ASPA: variants seen among roughly 807,000 people sequenced by gnomAD.
ASPA encodes the protein aspartoacylase, also known as ACY-2.
In ASPA, 25 loss-of-function variants were observed where a neutral mutation model predicts 29.6. The observed-to-expected ratio is 0.85, with a 90% CI of 0.62 to 1.18. ASPA has a LOEUF of 1.18. Among genes scored for constraint, ASPA ranks in the 50% most tolerant of loss-of-function variants. ASPA has a pLI of 0.00. For missense variants in ASPA, 333 were observed against 385.7 expected, an observed-to-expected ratio of 0.86 and a Z score of 1.14; for synonymous variants, 131 against 130.3, an observed-to-expected ratio of 1.01 and a Z score of -0.04.
At chr17:3,481,919 C>T in intron 2 of ASPA, 121 bp downstream of exon 2, 1 of 944,498 alleles carries the variant, frequency 1.1e-6, no homozygotes, top group African/African-American at 1.6e-5. Context: ...GGGTTTATTC[C>T]ATAGCCAGGC....
chr17:3,491,234 A>T (rs1047731405), intron 4 of ASPA, among the ~76,000 whole-genome samples: 1 of 152,186 alleles, frequency 6.6e-6, no homozygotes, highest in Non-Finnish European at 1.5e-5. Flanking sequence ...GTTTAAACCA[A>T]ATGTTTAAGG....
At chr17:3,482,811 T>A (rs1453838087) in intron 2 of ASPA, among the ~76,000 whole-genome samples, 2 of 135,596 alleles carry the variant, frequency 1.5e-5, no homozygotes, top group Admixed American at 7.1e-5. Context: ...CTATTATACT[T>A]TAAGTTTTAG....
At chr17:3,484,183 A>T (rs9904040) in intron 3 of ASPA, among the ~76,000 whole-genome samples, 3 of 151,836 alleles carry the variant, frequency 2.0e-5, no homozygotes, top group Admixed American at 1.3e-4. Context: ...TTCACCTGTC[A>T]CCTCCTATAG....
At chr17:3,484,033 T>G (rs2073679117) in intron 3 of ASPA, among the ~76,000 whole-genome samples, 1 of 152,186 alleles carries the variant, frequency 6.6e-6, no homozygotes, top group Non-Finnish European at 1.5e-5. Context: ...AACAAGCAAT[T>G]TAGCTCCAGG....
In ASPA at chr17:3,490,116, A is replaced by G. The variant is rs2073799022; in HGVS notation, c.634+774A>G. 6.6e-6 allele frequency among the ~76,000 whole-genome samples: 1 copy of G among 152,196 alleles called. No homozygotes were observed. Among genetic ancestry groups the G allele is most frequent in the Non-Finnish European group, 1.5e-5 (1 of 68,042 alleles). ...CTAGGATACATATATATGTTAACAC[A>G]TCACAGGGAAAGTCCTAGAAGAAAA... is the stretch of plus-strand genomic sequence containing the variant. On this transcript the variant is annotated intron_variant, in intron 4 of 5. Transcript: ENST00000263080. The surrounding 1 kb of genome is among the most constrained non-coding windows in gnomAD (Gnocchi z 4.6).
chr17:3,475,014 T>C (rs753809647), upstream of ASPA, among the ~76,000 whole-genome samples: 3 of 152,202 alleles, frequency 2.0e-5, no homozygotes, highest in Non-Finnish European at 4.4e-5. Context: ...AAAATTAATG[T>C]ATGAATAAAC....
rs776297759 is a variant in ASPA at position 3,481,642 on chromosome 17, G to A, written c.276G>A (p.Arg92=). The change falls in exon 2 of 6, where the codon AGG becomes AGA. Residue 92 remains arginine, a synonymous_variant. Coordinates refer to ENST00000263080, the MANE Select transcript of ASPA (RefSeq NM_000049.4). Reference sequence around the variant, plus strand: ...AAGATTTGCCATATGAAGTGAGAAGGGCTCAAGAAATAAATCATTTATTTG... The same window carrying A: ...AAGATTTGCCATATGAAGTGAGAAGAGCTCAAGAAATAAATCATTTATTTG... ...MSEDLPYEVR[R]AQEINHLFGP... 1.1e-5 allele frequency: 18 copies of A among 1,613,584 alleles called. No individual in the cohort carries two copies. The South Asian group carries it at 2.0e-4, about 18-fold the overall frequency.
chr17:3,481,968 G>A (rs2073639655), intron 2 of ASPA, among the ~76,000 whole-genome samples, 170 bp downstream of exon 2: 1 of 151,958 alleles, frequency 6.6e-6, no homozygotes, highest in Admixed American at 6.6e-5. Context: ...AGAACACAGA[G>A]GCAGTGGTGA....
chr17:3,502,534 AGAG>A lies in ASPA; in HGVS notation c.*3450_*3452del, dbSNP rs1472051289. The A allele has an allele frequency of 6.6e-6, 1 of 152,220 alleles. No individual in the cohort carries two copies. Among genetic ancestry groups the A allele is most frequent in the Admixed American group, 6.5e-5 (1 of 15,280 alleles). 9.4% of individuals were successfully genotyped at this position (152,220 alleles called of 1,614,324 possible). A position where few individuals can be genotyped will look rare whatever the true frequency, so the allele number is the denominator to read the frequency against. On this transcript the variant is annotated 3_prime_UTR_variant, in exon 6 of 6. Coordinates refer to ENST00000263080, the MANE Select transcript of ASPA (RefSeq NM_000049.4). Reference sequence around the variant, plus strand: ...AACTTCAGCATTCGTTGCGAAATCCAGAGGAGACTTTTAAGTGCTGTTTTGTAG... The same window carrying A: ...AACTTCAGCATTCGTTGCGAAATCCAGAGACTTTTAAGTGCTGTTTTGTAG...
chr17:3,481,723 C>A lies in ASPA; in HGVS notation c.357C>A (p.Thr119=). The change falls in exon 2 of 6, where the codon ACC becomes ACA. Residue 119 remains threonine, a synonymous_variant. Transcript: ENST00000263080. ...YDIIFDLHNT[T]SNMGCTLILE... is the part of the protein sequence containing the mutation. ...TTATTTTTGACCTTCACAACACCAC[C>A]TCTAACATGGGGTGCACTCTTATTC... 6.2e-7 allele frequency: 1 copy of A among 1,613,754 alleles called. No individual in the cohort carries two copies.
intron 2 of ASPA, among the ~76,000 whole-genome samples, chr17:3,482,863 A>G (rs545745120): frequency 6.6e-6 from 1 of 150,970 alleles, no homozygotes; most frequent in African/African-American, 2.4e-5. Context: ...ATATGTATAC[A>G]TGTGCCATGT....
intron 4 of ASPA, among the ~76,000 whole-genome samples, chr17:3,491,663 G>A (rs538128783): frequency 2.0e-5 from 3 of 151,968 alleles, no homozygotes; most frequent in East Asian, 2.0e-4. Flanking sequence ...CATGAGAATC[G>A]CTTGAACCAA....
rs1217871494 is a variant in ASPA, at chr17:3,498,979, T to C, written c.833T>C (p.Val278Ala). 1 of 1,614,232 alleles carries C rather than the reference T, an allele frequency of 6.2e-7. No homozygotes were observed. Among genetic ancestry groups the C allele is most frequent in the Non-Finnish European group, 8.5e-7 (1 of 1,180,032 alleles). The stretch of plus-strand genomic sequence containing the variant: ...ATCCCACTGGGCGGAGACTGTACCG[T>C]GTACCCCGTGTTTGTGAATGAGGCC... The part of the protein sequence containing the change: ...KTIPLGGDCT[V>A]YPVFVNEAAY... Residue 278 changes from valine to alanine, a missense_variant, in exon 6 of 6, where the codon GTG (valine) becomes GCG (alanine). Coordinates refer to ENST00000263080, the MANE Select transcript of ASPA (RefSeq NM_000049.4).
chr17:3,489,409 G>A lies in ASPA; in HGVS notation c.634+67G>A. Reference sequence around the variant, plus strand: ...AACATTTAAATAACAATTGGAACCTGGGTCAGATTTGCCATGCTAAAGATA... The same window carrying A: ...AACATTTAAATAACAATTGGAACCTAGGTCAGATTTGCCATGCTAAAGATA... On this transcript the variant is annotated intron_variant, in intron 4 of 5. Transcript: ENST00000263080. The A allele has an allele frequency of 1.3e-5, 17 of 1,338,942 alleles. No homozygotes were observed. The highest frequency in any genetic ancestry group is 1.8e-5 in the Non-Finnish European group (17 of 932,318). 82.9% of individuals were successfully genotyped at this position (1,338,942 alleles called of 1,614,324 possible).
At chr17:3,475,410 G>A (rs368966195), upstream of ASPA, 13 of 152,256 alleles carry the variant, frequency 8.5e-5, no homozygotes, top group African/African-American at 2.7e-4. Context: ...CTTTCCTTTG[G>A]TATTTAGGCA....
intron 5 of ASPA, among the ~76,000 whole-genome samples, chr17:3,494,905 T>C (rs1307018164): frequency 2.0e-5 from 3 of 152,194 alleles, no homozygotes; most frequent in Non-Finnish European, 4.4e-5. Context: ...GCCATGTAGC[T>C]ATCAATGACA....
intron 4 of ASPA, among the ~76,000 whole-genome samples, chr17:3,493,560 C>CAAAAAAAAAAAAAA (rs746229421): frequency 3.5e-5 from 2 of 56,366 alleles, no homozygotes; most frequent in African/African-American, 7.4e-5. Context: ...GGTTCCATCT[C>CAAAAAAAAAAAAAA]AAAAAAAAAA....
chr17:3,490,537 G>GTAC lies in ASPA; in HGVS notation c.634+1196_634+1197insACT, dbSNP rs1555540082. Among the ~76,000 whole-genome samples the GTAC allele has an allele frequency of 6.6e-6, 1 of 151,906 alleles. No homozygotes were observed. The highest frequency in any genetic ancestry group is 1.5e-5 in the Non-Finnish European group (1 of 67,964). The stretch of plus-strand genomic sequence containing the variant: ...GGAGTGAATTCCTCAACCTCAGATC[G>GTAC]TGCGCACCCCACTGCAATCACAGAC... On this transcript the variant is annotated intron_variant, in intron 4 of 5. Coordinates refer to ENST00000263080, the MANE Select transcript of ASPA (RefSeq NM_000049.4). The surrounding 1 kb of genome is among the most constrained non-coding windows in gnomAD (Gnocchi z 4.6).
Position 3,488,550 on chromosome 17 carries a change from G to A in ASPA, c.527-685G>A, listed in dbSNP as rs558921938. Among the ~76,000 whole-genome samples, 6 of 152,216 alleles carry A rather than the reference G, an allele frequency of 3.9e-5. No homozygotes were observed. The highest frequency in any genetic ancestry group is 2.1e-4 in the South Asian group (1 of 4,816). On this transcript the variant is annotated intron_variant, in intron 3 of 5. Transcript: ENST00000263080. This position sits in a 1 kb window ranked among gnomAD's most constrained non-coding sequence, Gnocchi z 6.1. ...CCCGTGCCTGTAATCCCAGCTACTC[G>A]GGAGGCTGAGGCAGAAGAATCGCTT...
Sources: allele counts gnomAD v4.1 joint callset (sites outside exome capture counted in the v4.1 genomes callset), GRCh38; gene constraint gnomAD v4.1.1; non-coding constraint Gnocchi (gnomAD v3.1); transcripts MANE v1.5; gene names NCBI Gene and HGNC (gene_info 2026-07-23, HGNC 2026-07-21).